The following STARD13 variants were observed in gnomAD, a reference collection of about 807,000 sequenced individuals.
STARD13 encodes the protein stAR-related lipid transfer protein 13.
In STARD13, 62 loss-of-function variants were observed where a neutral mutation model predicts 106.4. The observed-to-expected ratio is 0.58, with a 90% CI of 0.48 to 0.72. The LOEUF (loss-of-function observed/expected upper bound fraction) is 0.72, where lower values mean the gene tolerates loss of function less well. Among genes scored for constraint, STARD13 ranks in the 30% least tolerant of loss-of-function variants. The pLI is 0.00. For synonymous variants in STARD13, 565 were observed against 553.0 expected (o/e 1.02, Z -0.31); for missense variants, 1,387 against 1,424.0 (o/e 0.97, Z 0.42).
the STARD13 span, among the ~76,000 whole-genome samples, chr13:33,594,476 G>A: frequency 6.6e-6 from 1 of 152,018 alleles, no homozygotes; most frequent in Non-Finnish European, 1.5e-5. Flanking sequence ...AAATATTTGG[G>A]TTACTTTTTA....
At chr13:33,605,817 G>A in the STARD13 span, among the ~76,000 whole-genome samples, 31 of 152,094 alleles carry the variant, frequency 2.0e-4, no homozygotes, top group South Asian at 5.0e-3. Context: ...GTTCTACTTC[G>A]GTAGTCTCTT....
chr13:33,523,956 T>C, the STARD13 span, among the ~76,000 whole-genome samples: 1 of 152,124 alleles, frequency 6.6e-6, no homozygotes, highest in African/African-American at 2.4e-5. Context: ...TGAATTGAAG[T>C]ATGTACAATC....
At chr13:33,452,092 C>A in the STARD13 span, among the ~76,000 whole-genome samples, 1 of 152,124 alleles carries the variant, frequency 6.6e-6, no homozygotes, top group Non-Finnish European at 1.5e-5. Flanking sequence ...ATCAGGAGAT[C>A]TCAGTATGTT....
At chr13:33,121,830 C>T (rs1331183725) in intron 7 of STARD13, among the ~76,000 whole-genome samples, 1 of 146,028 alleles carries the variant, frequency 6.8e-6, no homozygotes, top group Non-Finnish European at 1.5e-5. Flanking sequence ...CAGGTGTGCA[C>T]CACCACGCCC....
the STARD13 span, among the ~76,000 whole-genome samples, chr13:33,589,627 C>G: frequency 6.6e-6 from 1 of 152,180 alleles, no homozygotes; most frequent in African/African-American, 2.4e-5. Flanking sequence ...GTTTCTTAAT[C>G]CTGAGTTCTA....
At chr13:33,458,453 GT>G in the STARD13 span, among the ~76,000 whole-genome samples, 5 of 151,952 alleles carry the variant, frequency 3.3e-5, no homozygotes, top group African/African-American at 1.2e-4. Context: ...TGTTTTTCAT[GT>G]TTTCAGCAAG....
At chr13:33,393,643 C>T in the STARD13 span, among the ~76,000 whole-genome samples, 1 of 152,212 alleles carries the variant, frequency 6.6e-6, no homozygotes, top group East Asian at 1.9e-4. Context: ...CAGAGTAATA[C>T]TCATTTGATA....
intron 1 of STARD13, among the ~76,000 whole-genome samples, chr13:33,196,209 AC>A (rs1886605425): frequency 6.6e-6 from 1 of 151,970 alleles, no homozygotes; most frequent in African/African-American, 2.4e-5. Flanking sequence ...ATATGGCGAA[AC>A]CCCGACTCTA....
chr13:33,134,710 T>C (rs902944181), intron 4 of STARD13, among the ~76,000 whole-genome samples: 2 of 152,228 alleles, frequency 1.3e-5, no homozygotes, highest in African/African-American at 4.8e-5. Context: ...ATGAAACTAG[T>C]TATTGTTGTT....
chr13:33,436,546 T>A, the STARD13 span, among the ~76,000 whole-genome samples: 15 of 152,200 alleles, frequency 9.9e-5, no homozygotes, highest in Non-Finnish European at 2.9e-5. Flanking sequence ...AAGCAAACTA[T>A]AGTATAATAT....
At chr13:33,568,121 A>C in the STARD13 span, among the ~76,000 whole-genome samples, 50 of 148,252 alleles carry the variant, frequency 3.4e-4, 4 homozygotes, top group Non-Finnish European at 6.9e-4. Flanking sequence ...TTACTCTGCC[A>C]AACAGGCATT....
chr13:33,114,348 T>A (rs982916535), intron 8 of STARD13, among the ~76,000 whole-genome samples: 1 of 152,084 alleles, frequency 6.6e-6, no homozygotes, highest in Non-Finnish European at 1.5e-5. Context: ...GCAGGAGGCA[T>A]GACGTCACAT....
At chr13:33,262,910 T>C (rs1890722500) in intron 1 of STARD13, among the ~76,000 whole-genome samples, 1 of 152,076 alleles carries the variant, frequency 6.6e-6, no homozygotes, top group South Asian at 2.1e-4. Flanking sequence ...AAAGCAAGAA[T>C]ACCCACTCCC....
chr13:33,110,569 C>T, intron 11 of STARD13, 117 bp downstream of exon 11: 1 of 821,152 alleles, frequency 1.2e-6, no homozygotes, highest in Admixed American at 1.9e-5. Context: ...TGTGCCTTAA[C>T]TGTCCGCGTG....
the STARD13 span, among the ~76,000 whole-genome samples, chr13:33,450,975 T>C: frequency 6.6e-6 from 1 of 151,734 alleles, no homozygotes; most frequent in Non-Finnish European, 1.5e-5. Context: ...GTAGACCTCC[T>C]GTGCTCGAGG....
At chr13:33,521,384 T>C in the STARD13 span, among the ~76,000 whole-genome samples, 1 of 152,216 alleles carries the variant, frequency 6.6e-6, no homozygotes, top group East Asian at 1.9e-4. Context: ...GAGTTCATGA[T>C]AGTTGAAAGA....
At chr13:33,424,137 C>A in the STARD13 span, among the ~76,000 whole-genome samples, 1 of 151,828 alleles carries the variant, frequency 6.6e-6, no homozygotes, top group African/African-American at 2.4e-5. Flanking sequence ...AAAAAAAAAT[C>A]TGTTATACCA....
rs544153300 is a variant in STARD13 at position 33,316,210 on chromosome 13, C to T, written c.124+34080G>A. Among the ~76,000 whole-genome samples the T allele has an allele frequency of 5.1e-4, 78 of 152,286 alleles. 1 individual carries two copies. The South Asian group carries it at 0.015, about 30-fold the overall frequency. ...TCTCTTCAGGCAGCCTTCTGACACA[C>T]CTGTTATCTCTCACATGTGGTTTCC... On this transcript the variant is annotated intron_variant, in intron 1 of 5. Coordinates refer to the STARD13 transcript ENST00000567873.
At chr13:33,542,236 G>T in the STARD13 span, among the ~76,000 whole-genome samples, 10 of 152,246 alleles carry the variant, frequency 6.6e-5, no homozygotes, top group African/African-American at 2.4e-4. Flanking sequence ...CAGACCGGGG[G>T]ATCAAGCCGG....
Sources: allele counts gnomAD v4.1 joint callset (sites outside exome capture counted in the v4.1 genomes callset), GRCh38; gene constraint gnomAD v4.1.1; transcripts MANE v1.5; gene names NCBI Gene and HGNC (gene_info 2026-07-23, HGNC 2026-07-21).